The following ZNF99 variants were observed in gnomAD, a reference collection of about 807,000 sequenced individuals.
ZNF99 encodes zinc finger protein ENSP00000375192.
In ZNF99, 8 loss-of-function variants were observed where a neutral mutation model predicts 12.8. That is an observed-to-expected ratio of 0.62 (90% CI 0.37 to 1.13). The LOEUF (loss-of-function observed/expected upper bound fraction) is 1.13, where lower values mean the gene tolerates loss of function less well. ZNF99 is among the 50% of genes most tolerant of loss of function. The pLI is 0.02. For missense variants in ZNF99, 1,007 were observed against 1,006.2 expected (o/e 1.00, Z -0.01); for synonymous variants, 318 against 319.0 (o/e 1.00, Z 0.03).
At chr19:22,774,234 TTC>T (rs897205421) in intron 1 of ZNF99, 36 of 152,380 alleles carry the variant, frequency 2.4e-4, no homozygotes, top group African/African-American at 8.2e-4. Flanking sequence ...TAAAAAGAAT[TTC>T]TCTCTCAACA....
rs367727802 is a variant in ZNF99 at position 22,765,534 on chromosome 19, G to GA, written c.226+2770dup. On this transcript the variant is annotated intron_variant, in intron 3 of 3. Coordinates refer to ENST00000596209, the MANE Select transcript of ZNF99 (RefSeq NM_001080409.3). ...AGTAGTACACAGGTTACTTGAAGAC[G>GA]AAAAAAAAGAGCTTTCCAAATTTTG... Among the ~76,000 whole-genome samples, 902 of 150,806 alleles carry GA rather than the reference G, an allele frequency of 6.0e-3. 6 individuals carry two copies. Among genetic ancestry groups the GA allele is most frequent in the African/African-American group, 0.018 (761 of 41,170 alleles).
intron 2 of ZNF99, among the ~76,000 whole-genome samples, 188 bp downstream of exon 2, chr19:22,769,010 C>T (rs59572067): frequency 0.083 from 12,001 of 144,344 alleles, 512 homozygotes; most frequent in Middle Eastern, 0.11. Flanking sequence ...GCCTGGGCAA[C>T]AAGAGCGAAA....
At position 22,757,771 on chromosome 19, in the gene ZNF99, G is replaced by A; in HGVS notation, c.2138C>T (p.Ala713Val). Residue 713 changes from alanine (A) to valine (V), a missense_variant, in exon 4 of 4, where the codon GCT becomes GTT. Ala to Val is a moderately conservative substitution (Grantham distance 64). Transcript: ENST00000596209. ...KPYKCEECGKAFSQSSTLRKH... is the reference protein window; with the variant it reads ...KPYKCEECGKVFSQSSTLRKH... The stretch of plus-strand genomic sequence containing the variant: ...TCTAAGAGTTGAGGACTGGCTAAAA[G>A]CTTTGCCACATTCTTCACATTTGTA... 6.2e-7 allele frequency: 1 copy of A among 1,612,682 alleles called. No homozygotes were observed. The highest frequency in any genetic ancestry group is 8.5e-7 in the Non-Finnish European group (1 of 1,179,698).
At position 22,771,476 on chromosome 19, in the gene ZNF99, C is replaced by T. The variant is rs1179642998; in HGVS notation, c.4-2152G>A. On this transcript the variant is annotated intron_variant, in intron 1 of 3. Transcript: ENST00000596209. Reference sequence around the variant, plus strand: ...TTCACCGTGTTAGCCAGGATGGTCTCGATCTCCTGACCTCGTGATCCGCCT... The same window carrying T: ...TTCACCGTGTTAGCCAGGATGGTCTTGATCTCCTGACCTCGTGATCCGCCT... Among the ~76,000 whole-genome samples the T allele has an allele frequency of 3.3e-5, 5 of 151,300 alleles. No individual in the cohort carries two copies. The South Asian group carries it at 1.0e-3, about 31-fold the overall frequency.
At chr19:22,766,541 G>T (rs1297896835) in intron 3 of ZNF99, among the ~76,000 whole-genome samples, 5 of 151,770 alleles carry the variant, frequency 3.3e-5, no homozygotes, top group African/African-American at 4.8e-5. Flanking sequence ...GTTTCATTGT[G>T]TTGGCCAGGC....
rs767768977 is a variant in ZNF99 at position 22,756,976 on chromosome 19, A to T, written c.*338T>A. 1.9e-6 allele frequency: 3 copies of T among 1,612,178 alleles called. No homozygotes were observed. In the South Asian group the frequency reaches 3.3e-5, roughly 18 times the overall value. On this transcript the variant is annotated 3_prime_UTR_variant, in exon 4 of 4. Transcript: ENST00000596209. The stretch of plus-strand genomic sequence containing the variant: ...ATTTGTATGGTTTCTCCCCAGTATG[A>T]ATTATCTTATGTTTCCTAAGGGCTG...
chr19:22,757,414 A>G lies in ZNF99; in HGVS notation c.2495T>C (p.Leu832Pro). ...CATATGAATTACCTTATGTAAAGTA[A>G]GTTTTGAGGACCACTGAAAAGCTTT... Reference protein sequence around the residue: ...CGKAFQWSSKLTLHKVIHMER... With the variant: ...CGKAFQWSSKPTLHKVIHMER... Residue 832 changes from leucine (L) to proline (P), a missense_variant, in exon 4 of 4, where the codon CTT becomes CCT. Coordinates refer to ENST00000596209, the MANE Select transcript of ZNF99 (RefSeq NM_001080409.3). 6.2e-7 allele frequency: 1 copy of G among 1,609,250 alleles called. No homozygotes were observed. The highest frequency in any genetic ancestry group is 8.5e-7 in the Non-Finnish European group (1 of 1,178,816).
Position 22,784,034 on chromosome 19 carries a change from G to C in ZNF99, c.-18C>G. On this transcript the variant is annotated 5_prime_UTR_variant, in exon 1 of 4. Coordinates refer to ENST00000596209, the MANE Select transcript of ZNF99 (RefSeq NM_001080409.3). The stretch of plus-strand genomic sequence containing the variant: ...CTCACCATTTCTAAGCTTCCAGGGG[G>C]TCCTGGCGTCCTAGCTGTGGATCTC... 6.2e-7 allele frequency: 1 copy of C among 1,613,604 alleles called. No individual in the cohort carries two copies. Among genetic ancestry groups the C allele is most frequent in the Middle Eastern group, 1.6e-4 (1 of 6,062 alleles).
chr19:22,776,869 G>T (rs570009488), intron 1 of ZNF99, among the ~76,000 whole-genome samples: 1 of 152,148 alleles, frequency 6.6e-6, no homozygotes, highest in Non-Finnish European at 1.5e-5. Context: ...GTACAGGTAA[G>T]GTTTGGTGGC....
In ZNF99 at chr19:22,755,770, C is replaced by T; in HGVS notation, c.*1544G>A. ...TGAGGACTGATTAAAAGCTTTGCCA[C>T]ATTCCTCACATTTGAAGGGTTTATC... On this transcript the variant is annotated 3_prime_UTR_variant, in exon 4 of 4. Transcript: ENST00000596209. 3.1e-6 allele frequency: 1 copy of T among 324,304 alleles called. No homozygotes were observed. Among genetic ancestry groups the T allele is most frequent in the Non-Finnish European group, 6.2e-6 (1 of 160,436 alleles). The allele number at this position is 324,304 out of a possible 1,614,324, so 20.1% of individuals were successfully genotyped here.
At position 22,756,424 on chromosome 19, in the gene ZNF99, C is replaced by G; in HGVS notation, c.*890G>C. Reference sequence around the variant, plus strand: ...TCTTATGTTTAGTAAGGTTTGAGGACTAAATGCTTTACCACACTCTTCACA... The same window carrying G: ...TCTTATGTTTAGTAAGGTTTGAGGAGTAAATGCTTTACCACACTCTTCACA... On this transcript the variant is annotated 3_prime_UTR_variant, in exon 4 of 4. Transcript: ENST00000596209. The G allele has an allele frequency of 6.3e-7, 1 of 1,579,604 alleles. No homozygotes were observed. Among genetic ancestry groups the G allele is most frequent in the Non-Finnish European group, 8.6e-7 (1 of 1,164,566 alleles).
intron 1 of ZNF99, among the ~76,000 whole-genome samples, chr19:22,783,080 G>A (rs1241079843): frequency 1.3e-5 from 2 of 151,984 alleles, no homozygotes. Context: ...GGGAGTTCGA[G>A]ACCAGCCTGA....
intron 1 of ZNF99, among the ~76,000 whole-genome samples, chr19:22,777,477 G>A (rs1317111711): frequency 2.0e-5 from 3 of 152,044 alleles, no homozygotes; most frequent in South Asian, 2.1e-4. Context: ...ACCAACTCCC[G>A]ACACAATTTC....
chr19:22,756,119 A>G lies in ZNF99; in HGVS notation c.*1195T>C. Reference sequence around the variant, plus strand: ...AAAAGCTTTGCCACATTCTTCACATATGGAGGGTCTGTCTCTAGTATAAAT... The same window carrying G: ...AAAAGCTTTGCCACATTCTTCACATGTGGAGGGTCTGTCTCTAGTATAAAT... On this transcript the variant is annotated 3_prime_UTR_variant, in exon 4 of 4. Transcript: ENST00000596209. 7.0e-7 allele frequency: 1 copy of G among 1,422,942 alleles called. No individual in the cohort carries two copies. Among genetic ancestry groups the G allele is most frequent in the Non-Finnish European group, 9.4e-7 (1 of 1,061,336 alleles). The allele number at this position is 1,422,942 out of a possible 1,614,324, so 88.1% of individuals were successfully genotyped here. A position where few individuals can be genotyped will look rare whatever the true frequency, so the allele number is the denominator to read the frequency against.
Position 22,752,263 on chromosome 19 carries a change from A to G in ZNF99, c.*5051T>C, listed in dbSNP as rs1310463666. 6.6e-6 allele frequency: 1 copy of G among 152,030 alleles called. No homozygotes were observed. Among genetic ancestry groups the G allele is most frequent in the East Asian group, 1.9e-4 (1 of 5,192 alleles). The allele number at this position is 152,030 out of a possible 1,614,324, so 9.4% of individuals were successfully genotyped here. On this transcript the variant is annotated 3_prime_UTR_variant, in exon 4 of 4. Coordinates refer to ENST00000596209, the MANE Select transcript of ZNF99 (RefSeq NM_001080409.3). Reference sequence around the variant, plus strand: ...AAATGACGCTATAATAAAGATAACAATTTAGTTTTATATTTCAAAGTGACT... The same window carrying G: ...AAATGACGCTATAATAAAGATAACAGTTTAGTTTTATATTTCAAAGTGACT...
At chr19:22,771,838 C>A in intron 1 of ZNF99, among the ~76,000 whole-genome samples, 1 of 144,134 alleles carries the variant, frequency 6.9e-6, no homozygotes, top group Admixed American at 7.0e-5. Context: ...CTGCCTCAGC[C>A]TCCTGAGTAG....
chr19:22,761,281 ATTCACCTAAGCCAGAG>A (rs1296186173), intron 3 of ZNF99, among the ~76,000 whole-genome samples: 1 of 152,170 alleles, frequency 6.6e-6, no homozygotes, highest in Non-Finnish European at 1.5e-5. Flanking sequence ...ATGGCTTGCT[ATTCACCTAAGCCAGAG>A]AATCCCGCAA....
At chr19:22,761,731 T>C (rs1440792723) in intron 3 of ZNF99, among the ~76,000 whole-genome samples, 1 of 152,138 alleles carries the variant, frequency 6.6e-6, no homozygotes, top group African/African-American at 2.4e-5. Context: ...ATAGACCGTA[T>C]GATAAGCCAC....
In ZNF99 at chr19:22,754,947, T is replaced by TA. The variant is rs1321733860; in HGVS notation, c.*2366dup. 1 of 174,996 alleles carries TA rather than the reference T, an allele frequency of 5.7e-6. No homozygotes were observed. The highest frequency in any genetic ancestry group is 1.2e-5 in the Non-Finnish European group (1 of 83,138). The allele number at this position is 174,996 out of a possible 1,614,324, so 10.8% of individuals were successfully genotyped here. On this transcript the variant is annotated 3_prime_UTR_variant, in exon 4 of 4. Transcript: ENST00000596209. ...AGGTGGGCGTGGTGGCACATGCCTA[T>TA]AGTCCCTGCTACTCGGGAGGCTGAG...
Sources: gnomAD v4.1 joint callset for allele counts (sites outside exome capture counted in the v4.1 genomes callset) on GRCh38, gnomAD v4.1.1 for gene constraint, MANE v1.5 for transcripts, NCBI Gene and HGNC (gene_info 2026-07-23, HGNC 2026-07-21) for gene names.